The following PTPRD variants were observed in gnomAD, a reference collection of about 807,000 sequenced individuals.
The protein encoded by PTPRD is protein tyrosine phosphatase receptor type D.
In PTPRD, 34 loss-of-function variants were observed where a neutral mutation model predicts 214.5. That is an observed-to-expected ratio of 0.16 (90% CI 0.12 to 0.21). The LOEUF (loss-of-function observed/expected upper bound fraction) is 0.21. Ranked by LOEUF, PTPRD falls within the 10% of genes least tolerant of loss-of-function variation. The pLI, the probability that PTPRD is intolerant of heterozygous loss-of-function variation, is 1.00. For missense variants in PTPRD, 2,545 were observed against 2,398.7 expected (o/e 1.06, Z -1.27); for synonymous variants, 1,128 against 845.7 (o/e 1.33, Z -5.79).
chr9:8,639,231 A>G (rs2096520682), intron 12 of PTPRD, among the ~76,000 whole-genome samples: 1 of 152,218 alleles, frequency 6.6e-6, no homozygotes. Context: ...AAAATATATT[A>G]CAAGTTTTTA....
intron 10 of PTPRD, among the ~76,000 whole-genome samples, chr9:9,109,148 A>G (rs1387724591): frequency 2.0e-5 from 3 of 152,188 alleles, no homozygotes; most frequent in Non-Finnish European, 4.4e-5. Context: ...CATATTTATA[A>G]GATTGTATCC....
Position 9,480,877 on chromosome 9 carries a change from G to A in PTPRD, c.-236-83395C>T, listed in dbSNP as rs115522747. Among the ~76,000 whole-genome samples, 986 of 152,242 alleles carry A rather than the reference G, an allele frequency of 6.5e-3. 17 individuals are homozygous for A. Among genetic ancestry groups the A allele is most frequent in the African/African-American group, 0.022 (910 of 41,560 alleles). On this transcript the variant is annotated intron_variant, in intron 8 of 45. Coordinates refer to ENST00000381196, the MANE Select transcript of PTPRD (RefSeq NM_002839.4). ...TTGAAAGAAGAAAGGACTGCTAAGA[G>A]ATGGAACTGTCAAAGGATTAATCAT...
At chr9:10,575,620 T>G (rs2069006240) in intron 2 of PTPRD, among the ~76,000 whole-genome samples, 2 of 152,100 alleles carry the variant, frequency 1.3e-5, no homozygotes, top group South Asian at 2.1e-4. Context: ...ATTCCATGCC[T>G]GCTATACCTG....
chr9:8,488,954 C>G (rs1232149511), intron 27 of PTPRD, among the ~76,000 whole-genome samples: 1 of 152,176 alleles, frequency 6.6e-6, no homozygotes, highest in African/African-American at 2.4e-5. Flanking sequence ...TTTTGAAATT[C>G]TAGTTCCAAC....
At chr9:9,675,629 G>A (rs978345852) in intron 7 of PTPRD, among the ~76,000 whole-genome samples, 1 of 151,740 alleles carries the variant, frequency 6.6e-6, no homozygotes, top group Non-Finnish European at 1.5e-5. Flanking sequence ...TTTGAAAACA[G>A]ATGAAAAAAT....
chr9:9,983,141 C>T (rs1275344495), intron 4 of PTPRD, among the ~76,000 whole-genome samples: 1 of 151,746 alleles, frequency 6.6e-6, no homozygotes, highest in Admixed American at 6.6e-5. Flanking sequence ...ATCAAATGTA[C>T]CGATGCTAGA....
chr9:9,638,706 C>T (rs1329912734), intron 7 of PTPRD, among the ~76,000 whole-genome samples: 4 of 152,232 alleles, frequency 2.6e-5, no homozygotes, highest in Non-Finnish European at 5.9e-5. Context: ...CAACAGGCCA[C>T]TTCTCTGGTA....
At chr9:8,678,638 G>A (rs750729644) in intron 12 of PTPRD, among the ~76,000 whole-genome samples, 5 of 152,178 alleles carry the variant, frequency 3.3e-5, no homozygotes, top group African/African-American at 4.8e-5. Flanking sequence ...TTCCAAAAGC[G>A]AAGAGGAGGA....
At chr9:8,604,428 C>T (rs1250050381) in intron 14 of PTPRD, among the ~76,000 whole-genome samples, 2 of 152,122 alleles carry the variant, frequency 1.3e-5, no homozygotes, top group African/African-American at 2.4e-5. Context: ...ACAAGCACAG[C>T]ATGATATTTT....
intron 2 of PTPRD, among the ~76,000 whole-genome samples, chr9:10,571,420 G>T (rs1242872917): frequency 6.6e-6 from 1 of 152,106 alleles, no homozygotes. Flanking sequence ...GTTGTCATCA[G>T]ATATCATAAA....
chr9:8,783,905 T>C lies in PTPRD; in HGVS notation c.-103-49959A>G, dbSNP rs376319903. On this transcript the variant is annotated intron_variant, in intron 11 of 45. Transcript: ENST00000381196. ...AATATTTACGCTACCCCTTCAGTGC[T>C]ATACATCCTAACACAGCTTAAAGTT... Among the ~76,000 whole-genome samples the C allele has an allele frequency of 4.6e-5, 7 of 152,366 alleles. No individual in the cohort carries two copies. In the South Asian group the frequency reaches 1.2e-3, roughly 27 times the overall value.
chr9:8,565,443 T>C (rs1440298072), intron 14 of PTPRD, among the ~76,000 whole-genome samples: 1 of 152,200 alleles, frequency 6.6e-6, no homozygotes, highest in African/African-American at 2.4e-5. Flanking sequence ...ATGCTGCACA[T>C]TGCATTAGAC....
chr9:9,950,954 G>A (rs2093399132), intron 4 of PTPRD, among the ~76,000 whole-genome samples: 1 of 152,110 alleles, frequency 6.6e-6, no homozygotes, highest in Non-Finnish European at 1.5e-5. Flanking sequence ...CATAGCAGCA[G>A]AAAGCTGACT....
intron 12 of PTPRD, among the ~76,000 whole-genome samples, chr9:8,729,498 G>C (rs1024850787): frequency 1.3e-5 from 2 of 151,930 alleles, no homozygotes; most frequent in African/African-American, 4.8e-5. Flanking sequence ...AAAACTGTTT[G>C]CTAAATCTTG....
At chr9:9,742,479 TTC>T (rs1470822938) in intron 6 of PTPRD, among the ~76,000 whole-genome samples, 5 of 152,226 alleles carry the variant, frequency 3.3e-5, no homozygotes. Context: ...ATGTATGATT[TTC>T]TTTTTTGTAA....
At chr9:10,416,089 T>C (rs1297818979) in intron 2 of PTPRD, among the ~76,000 whole-genome samples, 2 of 151,818 alleles carry the variant, frequency 1.3e-5, no homozygotes, top group African/African-American at 2.4e-5. Context: ...GGCTCATGCC[T>C]GTAATCCCAG....
intron 11 of PTPRD, among the ~76,000 whole-genome samples, chr9:8,769,050 GTT>G (rs2094987768): frequency 6.6e-6 from 1 of 152,172 alleles, no homozygotes; most frequent in African/African-American, 2.4e-5. Flanking sequence ...AATTCTGTGT[GTT>G]AGCATAACGC....
chr9:8,828,065 A>G (rs1232548505), intron 11 of PTPRD, among the ~76,000 whole-genome samples: 3 of 152,182 alleles, frequency 2.0e-5, no homozygotes, highest in Non-Finnish European at 2.9e-5. Context: ...AAATCCCATA[A>G]AAGTCTACAG....
chr9:9,923,323 TAAAA>T (rs1259412325), intron 5 of PTPRD, among the ~76,000 whole-genome samples: 1 of 150,884 alleles, frequency 6.6e-6, no homozygotes, highest in African/African-American at 2.4e-5. Context: ...TATCAAAAGT[TAAAA>T]GAAAGACACA....
Sources: allele counts gnomAD v4.1 joint callset (sites outside exome capture counted in the v4.1 genomes callset), GRCh38; gene constraint gnomAD v4.1.1; transcripts MANE v1.5; gene names NCBI Gene and HGNC (gene_info 2026-07-23, HGNC 2026-07-21).